FGF12: variants seen among roughly 807,000 people sequenced by gnomAD.
FGF12 encodes fibroblast growth factor 12.
In FGF12, 14 loss-of-function variants were observed where a neutral mutation model predicts 23.6. That is an observed-to-expected ratio of 0.59 (90% confidence interval 0.39 to 0.93). FGF12 has a LOEUF of 0.93. Ranked by LOEUF, FGF12 falls within the 40% of genes least tolerant of loss-of-function variation. FGF12 has a pLI of 0.00. For missense variants in FGF12, 175 were observed against 217.8 expected (o/e 0.80, Z 1.24); for synonymous variants, 62 against 77.3 (o/e 0.80, Z 1.04).
At chr3:192,350,817 G>A (rs2108721927) in intron 3 of FGF12, among the ~76,000 whole-genome samples, 1 of 152,288 alleles carries the variant, frequency 6.6e-6, no homozygotes, top group South Asian at 2.1e-4. Flanking sequence ...TGTGATGAAA[G>A]GGATTGAGCA....
At chr3:192,647,714 T>C (rs992280116) in intron 2 of FGF12, among the ~76,000 whole-genome samples, 4 of 136,538 alleles carry the variant, frequency 2.9e-5, no homozygotes, top group South Asian at 2.2e-4. Context: ...TATATATACA[T>C]ATATATATAC....
chr3:192,378,877 A>G (rs1316974684), intron 2 of FGF12, among the ~76,000 whole-genome samples: 1 of 152,070 alleles, frequency 6.6e-6, no homozygotes, highest in Non-Finnish European at 1.5e-5. Flanking sequence ...CCTAGTACCC[A>G]ATAGTTATTT....
At chr3:192,702,503 T>C (rs1333059210) in intron 2 of FGF12, among the ~76,000 whole-genome samples, 1 of 147,552 alleles carries the variant, frequency 6.8e-6, no homozygotes, top group Non-Finnish European at 1.5e-5. Flanking sequence ...CATGCCCAAA[T>C]GTAAAAAGGC....
chr3:192,307,516 A>T (rs896382730), intron 4 of FGF12, among the ~76,000 whole-genome samples: 3 of 152,230 alleles, frequency 2.0e-5, no homozygotes, highest in Non-Finnish European at 4.4e-5. Flanking sequence ...TAGAGTGGGC[A>T]CAATGCTAGA....
chr3:192,390,625 GATGACC>G lies in FGF12; in HGVS notation c.14-30093_14-30088del, dbSNP rs560273111. On this transcript the variant is annotated intron_variant, in intron 2 of 5. Coordinates refer to ENST00000445105, the MANE Select transcript of FGF12 (RefSeq NM_004113.6). ...ATGAAACAGAAGCTGATAGCTATGT[GATGACC>G]ATGACCATGCTAATTCATCTTACTG... Among the ~76,000 whole-genome samples, 554 of 152,278 alleles carry G rather than the reference GATGACC, an allele frequency of 3.6e-3. 3 individuals are homozygous for G. The highest frequency in any genetic ancestry group is 0.013 in the African/African-American group (529 of 41,548).
chr3:192,150,009 A>T (rs1332406704), intron 5 of FGF12, among the ~76,000 whole-genome samples: 1 of 114,938 alleles, frequency 8.7e-6, no homozygotes, highest in Non-Finnish European at 1.9e-5. Flanking sequence ...TTGCCATTCT[A>T]ACTGGTGTGA....
At chr3:192,335,230 C>G in intron 4 of FGF12, 131 bp downstream of exon 4, 1 of 634,156 alleles carries the variant, frequency 1.6e-6, no homozygotes, top group Non-Finnish European at 2.8e-6. Context: ...CAAAATAATC[C>G]CGAAAAACAG....
At chr3:192,195,606 T>C (rs73887258) in intron 4 of FGF12, among the ~76,000 whole-genome samples, 2,489 of 152,310 alleles carry the variant, frequency 0.016, 68 homozygotes, top group African/African-American at 0.057. Flanking sequence ...AAGTATACTC[T>C]ACGATAGTCA....
chr3:192,506,978 G>A (rs994655339), intron 2 of FGF12, among the ~76,000 whole-genome samples: 5 of 142,692 alleles, frequency 3.5e-5, no homozygotes, highest in African/African-American at 1.0e-4. Context: ...TGAAAGCTCC[G>A]CCTCCTGGGT....
At chr3:192,715,874 G>A (rs1239236635) in intron 2 of FGF12, among the ~76,000 whole-genome samples, 2 of 152,164 alleles carry the variant, frequency 1.3e-5, no homozygotes, top group Admixed American at 1.3e-4. Flanking sequence ...GTCCAAGCAT[G>A]GATCCTTGTA....
chr3:192,722,389 T>G (rs771072617), intron 2 of FGF12, among the ~76,000 whole-genome samples: 4 of 152,220 alleles, frequency 2.6e-5, no homozygotes, highest in Non-Finnish European at 4.4e-5. Context: ...GACATTTCCT[T>G]TCTCTGCTGC....
At chr3:192,567,207 T>A (rs1560152628) in intron 2 of FGF12, among the ~76,000 whole-genome samples, 1 of 152,168 alleles carries the variant, frequency 6.6e-6, no homozygotes, top group Non-Finnish European at 1.5e-5. Flanking sequence ...GTTGTTTCTT[T>A]TAGGATATGA....
At chr3:192,479,161 G>C (rs531002051) in intron 2 of FGF12, among the ~76,000 whole-genome samples, 3 of 152,136 alleles carry the variant, frequency 2.0e-5, no homozygotes, top group African/African-American at 7.2e-5. Flanking sequence ...CAATATGCCT[G>C]GGCCTCCCTC....
chr3:192,533,144 A>G (rs1265326030), intron 2 of FGF12, among the ~76,000 whole-genome samples: 1 of 152,206 alleles, frequency 6.6e-6, no homozygotes, highest in African/African-American at 2.4e-5. Flanking sequence ...TTCTTCTTCA[A>G]AAGTGTATAA....
At chr3:192,512,698 G>T (rs1352111036) in intron 2 of FGF12, among the ~76,000 whole-genome samples, 1 of 150,850 alleles carries the variant, frequency 6.6e-6, no homozygotes, top group East Asian at 1.9e-4. Flanking sequence ...CTGTGGAAAG[G>T]GTGGGAAGGA....
At chr3:192,539,951 A>G (rs1222128547) in intron 2 of FGF12, among the ~76,000 whole-genome samples, 1 of 151,972 alleles carries the variant, frequency 6.6e-6, no homozygotes, top group African/African-American at 2.4e-5. Context: ...TGTTTACAGT[A>G]GCCTCTAATG....
Position 192,272,087 on chromosome 3 carries a change from G to T in FGF12, c.228+63274C>A, listed in dbSNP as rs979225243. On this transcript the variant is annotated intron_variant, in intron 4 of 5. Transcript: ENST00000445105. ...ATTAGGAATGACTAATAAAAATAATGGTGAGTCCTGGAAAATTCAGAGAGC... is the reference window on the plus strand; with the variant it reads ...ATTAGGAATGACTAATAAAAATAATTGTGAGTCCTGGAAAATTCAGAGAGC... Among the ~76,000 whole-genome samples the T allele has an allele frequency of 2.0e-5, 3 of 152,098 alleles. 1 individual carries two copies. The highest frequency in any genetic ancestry group is 6.3e-3 in the Middle Eastern group (2 of 316).
At chr3:192,262,071 C>T (rs1001753522) in intron 4 of FGF12, among the ~76,000 whole-genome samples, 7 of 152,142 alleles carry the variant, frequency 4.6e-5, no homozygotes, top group African/African-American at 1.7e-4. Flanking sequence ...ACAGCAGGCT[C>T]TTAAACAGTG....
At chr3:192,168,721 G>T (rs1285021277) in intron 5 of FGF12, among the ~76,000 whole-genome samples, 1 of 152,092 alleles carries the variant, frequency 6.6e-6, no homozygotes, top group Non-Finnish European at 1.5e-5. Context: ...ATCTCTCTAT[G>T]ATATGCCAAC....
Sources: allele counts gnomAD v4.1 joint callset (sites outside exome capture counted in the v4.1 genomes callset), GRCh38; gene constraint gnomAD v4.1.1; transcripts MANE v1.5; gene names NCBI Gene and HGNC (gene_info 2026-07-23, HGNC 2026-07-21).